CTIF: variants seen among roughly 807,000 people sequenced by gnomAD.
The protein encoded by CTIF is cap binding complex dependent translation initiation factor.
A neutral mutation model predicts 66.0 loss-of-function variants in CTIF; 21 were observed. That is an observed-to-expected ratio of 0.32 (90% CI 0.23 to 0.46). The LOEUF (loss-of-function observed/expected upper bound fraction) is 0.46. Ranked by LOEUF, CTIF falls within the 20% of genes least tolerant of loss-of-function variation. CTIF has a pLI of 1.00. For missense variants in CTIF, 739 were observed against 812.7 expected, an observed-to-expected ratio of 0.91 and a Z score of 1.10; for synonymous variants, 345 against 326.4, an observed-to-expected ratio of 1.06 and a Z score of -0.62.
intron 6 of CTIF, among the ~76,000 whole-genome samples, chr18:48,697,095 C>A (rs963222972): frequency 2.0e-5 from 3 of 152,240 alleles, no homozygotes; most frequent in African/African-American, 7.2e-5. Flanking sequence ...ACCCCTGGGC[C>A]TCTGGGCCAC....
At chr18:48,740,650 C>T (rs912258191) in intron 7 of CTIF, among the ~76,000 whole-genome samples, 2 of 152,238 alleles carry the variant, frequency 1.3e-5, no homozygotes, top group East Asian at 1.9e-4. Context: ...TCCTGGGCTA[C>T]TCAGGCCTTG....
chr18:48,664,244 C>T (rs2091395928), intron 4 of CTIF, among the ~76,000 whole-genome samples: 1 of 152,190 alleles, frequency 6.6e-6, no homozygotes, highest in African/African-American at 2.4e-5. Flanking sequence ...ACACTTGTTT[C>T]ATAAGCATGC....
intron 9 of CTIF, among the ~76,000 whole-genome samples, chr18:48,808,510 T>A (rs1339668497): frequency 6.9e-6 from 1 of 145,114 alleles, no homozygotes; most frequent in East Asian, 2.0e-4. Flanking sequence ...CTTCAAATTT[T>A]TGGTCCTTTT....
At chr18:48,568,633 T>TAAAAAAAAAACAAA (rs2089332169) in intron 1 of CTIF, among the ~76,000 whole-genome samples, 1 of 36,622 alleles carries the variant, frequency 2.7e-5, no homozygotes, top group Non-Finnish European at 6.0e-5. Context: ...GGGCAATTTG[T>TAAAAAAAAAACAAA]AAAAAAAAAA....
chr18:48,668,162 C>A (rs573287386), intron 5 of CTIF, among the ~76,000 whole-genome samples: 1 of 152,388 alleles, frequency 6.6e-6, no homozygotes, highest in East Asian at 1.9e-4. Context: ...CAGGCCTCCA[C>A]CTGCCCACCC....
At chr18:48,857,729 G>A in intron 11 of CTIF, 88 bp downstream of exon 11, 2 of 1,279,980 alleles carry the variant, frequency 1.6e-6, no homozygotes, top group Non-Finnish European at 2.2e-6. Flanking sequence ...GGTTGTTGGA[G>A]GCATTTACAA....
At chr18:48,786,285 A>T (rs922651112) in intron 9 of CTIF, among the ~76,000 whole-genome samples, 2 of 152,048 alleles carry the variant, frequency 1.3e-5, no homozygotes, top group Non-Finnish European at 2.9e-5. Flanking sequence ...AGTCCTGGGG[A>T]TCCAGGCTGT....
chr18:48,647,372 C>T (rs1368568540), intron 3 of CTIF, among the ~76,000 whole-genome samples: 1 of 152,218 alleles, frequency 6.6e-6, no homozygotes, highest in Non-Finnish European at 1.5e-5. Flanking sequence ...TGTGTCTCCA[C>T]TGTATCAATG....
chr18:48,803,978 G>C (rs1426066947), intron 9 of CTIF, among the ~76,000 whole-genome samples: 1 of 152,210 alleles, frequency 6.6e-6, no homozygotes, highest in African/African-American at 2.4e-5. Flanking sequence ...CCTGGGGACA[G>C]GCTGTGTCCT....
intron 1 of CTIF, among the ~76,000 whole-genome samples, chr18:48,546,204 C>T (rs1299934436): frequency 6.6e-6 from 1 of 152,158 alleles, no homozygotes; most frequent in Non-Finnish European, 1.5e-5. Context: ...GCAGATCCCT[C>T]TCTTCCTGCC....
At chr18:48,843,046 C>T (rs2068983892) in intron 10 of CTIF, among the ~76,000 whole-genome samples, 1 of 152,120 alleles carries the variant, frequency 6.6e-6, no homozygotes, top group Non-Finnish European at 1.5e-5. Flanking sequence ...TGTGGAGGGA[C>T]CTGTGATTTC....
Position 48,569,478 on chromosome 18 carries a change from CAAAAA to C in CTIF, c.-29+30172_-29+30176del, listed in dbSNP as rs538262039. Among the ~76,000 whole-genome samples the C allele has an allele frequency of 2.3e-4, 34 of 146,364 alleles. 1 individual carries two copies. The South Asian group carries it at 7.4e-3, about 32-fold the overall frequency. On this transcript the variant is annotated intron_variant, in intron 1 of 11. Coordinates refer to ENST00000256413, the MANE Select transcript of CTIF (RefSeq NM_014772.3). ...CATAAATGAAAAAAAAACAAAAAAA[CAAAAA>C]AAAAACTTGGGTTTCAAAAAATTTC...
At chr18:48,631,971 AG>A (rs1179383531) in intron 2 of CTIF, among the ~76,000 whole-genome samples, 2 of 152,156 alleles carry the variant, frequency 1.3e-5, no homozygotes, top group African/African-American at 2.4e-5. Context: ...CCTATAGATC[AG>A]GACAGGTTCT....
rs528306539 is a variant in CTIF at position 48,619,760 on chromosome 18, G to A, written c.180+15G>A. ...ACATCTCCCAGGTGAGCGCGGGCCCGGGGTTGGGGCAGCTTGGGAAATTCA... is the reference window on the plus strand; with the variant it reads ...ACATCTCCCAGGTGAGCGCGGGCCCAGGGTTGGGGCAGCTTGGGAAATTCA... On this transcript the variant is annotated intron_variant, in intron 2 of 11. Coordinates refer to ENST00000256413, the MANE Select transcript of CTIF (RefSeq NM_014772.3). 2.2e-5 allele frequency: 34 copies of A among 1,537,908 alleles called. No homozygotes were observed. Among genetic ancestry groups the A allele is most frequent in the African/African-American group, 2.7e-5 (2 of 73,154 alleles).
rs970364865 is a variant in CTIF at position 48,713,924 on chromosome 18, C to T, written c.584+2229C>T. 7.2e-5 allele frequency among the ~76,000 whole-genome samples: 11 copies of T among 152,234 alleles called. 1 individual carries two copies. The South Asian group carries it at 8.3e-4, about 11-fold the overall frequency. On this transcript the variant is annotated intron_variant, in intron 7 of 11. Coordinates refer to ENST00000256413, the MANE Select transcript of CTIF (RefSeq NM_014772.3). ...AGAGCGTGTGCTCGTCGGGGCGCCCCGCTCTAATTCCTCTTCTAGATGCGG... is the reference window on the plus strand; with the variant it reads ...AGAGCGTGTGCTCGTCGGGGCGCCCTGCTCTAATTCCTCTTCTAGATGCGG...
intron 9 of CTIF, among the ~76,000 whole-genome samples, chr18:48,782,386 C>T (rs61515356): frequency 0.2 from 30,866 of 152,016 alleles, 3,219 homozygotes; most frequent in Admixed American, 0.27. Context: ...TTTTCCTCTC[C>T]TGAGCCTCTG....
intron 2 of CTIF, among the ~76,000 whole-genome samples, chr18:48,631,197 G>C (rs576979617): frequency 6.6e-6 from 1 of 152,332 alleles, no homozygotes; most frequent in East Asian, 1.9e-4. Context: ...GGGTGTGGTG[G>C]CTCCCACCTG....
chr18:48,735,222 T>C (rs1415259796), intron 7 of CTIF, among the ~76,000 whole-genome samples: 1 of 152,108 alleles, frequency 6.6e-6, no homozygotes, highest in Non-Finnish European at 1.5e-5. Context: ...ACCTGATCCG[T>C]CTCTGCAATG....
chr18:48,616,982 C>T (rs1279177774), intron 1 of CTIF, among the ~76,000 whole-genome samples: 1 of 152,198 alleles, frequency 6.6e-6, no homozygotes, highest in East Asian at 1.9e-4. Context: ...CAATAGCATT[C>T]ATTATCTCAC....
Sources: allele counts gnomAD v4.1 joint callset (sites outside exome capture counted in the v4.1 genomes callset), GRCh38; gene constraint gnomAD v4.1.1; transcripts MANE v1.5; gene names NCBI Gene and HGNC (gene_info 2026-07-23, HGNC 2026-07-21).